The following BCAR1 variants were observed in gnomAD, a reference collection of about 807,000 sequenced individuals.
BCAR1 encodes the protein BCAR1 scaffold protein, Cas family member.
In BCAR1, 30 loss-of-function variants were observed where a neutral mutation model predicts 67.6. The observed-to-expected ratio is 0.44, with a 90% CI of 0.33 to 0.60. The LOEUF (loss-of-function observed/expected upper bound fraction) is 0.60, where lower values mean the gene tolerates loss of function less well. Ranked by LOEUF, BCAR1 falls within the 20% of genes least tolerant of loss-of-function variation. The pLI, the probability that BCAR1 is intolerant of heterozygous loss-of-function variation, is 0.02. For synonymous variants in BCAR1, 626 were observed against 556.7 expected (o/e 1.12, Z -1.75); for missense variants, 1,313 against 1,222.3 (o/e 1.07, Z -1.11).
At chr16:75,267,109 A>T (rs1174137611) in intron 1 of BCAR1, among the ~76,000 whole-genome samples, 1 of 152,066 alleles carries the variant, frequency 6.6e-6, no homozygotes, top group African/African-American at 2.4e-5. Context: ...CTTTTTCCCC[A>T]AGGGGCGTGC....
At chr16:75,262,131 C>G (rs1163714261) in intron 1 of BCAR1, among the ~76,000 whole-genome samples, 1 of 152,188 alleles carries the variant, frequency 6.6e-6, no homozygotes, top group East Asian at 1.9e-4. Flanking sequence ...ACTCTCCCCA[C>G]CCCGCAGCAG....
chr16:75,248,438 C>T (rs2077585124), intron 1 of BCAR1: 1 of 992,878 alleles, frequency 1.0e-6, no homozygotes, highest in South Asian at 2.2e-5. Context: ...GCCCAATAAG[C>T]ATGCGCCCAA....
At chr16:75,248,545 A>C in intron 1 of BCAR1, 3 of 194,528 alleles carry the variant, frequency 1.5e-5, no homozygotes, top group Non-Finnish European at 3.1e-5. Flanking sequence ...TCCCTCCCCC[A>C]TGTCCCCATC....
Position 75,235,776 on chromosome 16 carries a change from G to T in BCAR1, c.1123C>A (p.Pro375Thr). The T allele has an allele frequency of 1.3e-6, 2 of 1,592,738 alleles. No individual in the cohort carries two copies. The highest frequency in any genetic ancestry group is 1.3e-5 in the African/African-American group (1 of 74,736). The change falls in exon 5 of 7, where the codon CCC (proline) becomes ACC (threonine). Residue 375 changes from proline (P) to threonine (T), a missense_variant. By Grantham distance (38) the Pro-to-Thr change is conservative. This residue lies in a region of BCAR1 where 1,272 missense variants were observed against 1,137.5 expected (regional missense o/e 1.12). Transcript: ENST00000162330. Reference protein sequence around the residue: ...PPPAPDLYDVPPGLRRPGPGT... With the variant: ...PPPAPDLYDVTPGLRRPGPGT... Reference sequence around the variant, plus strand: ...GGGCCAGGCCGCCGCAAGCCAGGGGGCACGTCGTAGAGGTCAGGAGCCGGG... The same window carrying T: ...GGGCCAGGCCGCCGCAAGCCAGGGGTCACGTCGTAGAGGTCAGGAGCCGGG...
At chr16:75,258,821 C>T (rs765818191) in intron 1 of BCAR1, among the ~76,000 whole-genome samples, 13 of 152,218 alleles carry the variant, frequency 8.5e-5, no homozygotes, top group Non-Finnish European at 1.5e-4. Context: ...CCTCCTCAGG[C>T]TTGGCTCAGT....
At chr16:75,237,787 C>T (rs1403291708) in intron 2 of BCAR1, among the ~76,000 whole-genome samples, 2 of 152,196 alleles carry the variant, frequency 1.3e-5, no homozygotes, top group African/African-American at 4.8e-5. Context: ...GCTGCCCACA[C>T]CACCTAGCTG....
chr16:75,243,413 C>A, intron 1 of BCAR1: 6 of 606,402 alleles, frequency 9.9e-6, no homozygotes, highest in South Asian at 8.9e-5. Flanking sequence ...GCTACCTGGA[C>A]CAACACAAGG....
At position 75,237,336 on chromosome 16, in the gene BCAR1, C is replaced by T. The variant is rs536067371; in HGVS notation, c.642G>A (p.Val214=). 1.4e-6 allele frequency: 2 copies of T among 1,464,284 alleles called. No individual in the cohort carries two copies. The highest frequency in any genetic ancestry group is 2.9e-5 in the African/African-American group (2 of 68,474). 90.7% of individuals were successfully genotyped at this position (1,464,284 alleles called of 1,614,324 possible). The change falls in exon 3 of 7, where the codon GTG becomes GTA. Residue 214 remains valine (V), a synonymous_variant. Coordinates refer to ENST00000162330, the MANE Select transcript of BCAR1 (RefSeq NM_014567.5). ...CATAGCCCTGCCCCACGCGGGTGGG[C>T]ACCACCACCTGGGGGCAGAGAGCCG... ...EGTKPPAKVV[V]PTRVGQGYVY...
At chr16:75,239,192 C>G (rs2077248505) in intron 2 of BCAR1, 2 of 849,686 alleles carry the variant, frequency 2.4e-6, no homozygotes, top group Admixed American at 1.2e-4. Context: ...AATCACAGGC[C>G]ACCCTGCTGC....
At chr16:75,245,923 T>G (rs888040713) in intron 1 of BCAR1, 2 of 148,670 alleles carry the variant, frequency 1.3e-5, no homozygotes, top group African/African-American at 4.9e-5. Context: ...AGCATCTAGA[T>G]CCTCTCTGCT....
At chr16:75,240,529 C>T (rs2077303023) in intron 2 of BCAR1, among the ~76,000 whole-genome samples, 1 of 152,246 alleles carries the variant, frequency 6.6e-6, no homozygotes, top group Non-Finnish European at 1.5e-5. Flanking sequence ...AAATGCAAAA[C>T]TGCATGTATA....
intron 1 of BCAR1, among the ~76,000 whole-genome samples, chr16:75,244,408 G>C (rs887305167): frequency 6.6e-6 from 1 of 152,252 alleles, no homozygotes; most frequent in East Asian, 1.9e-4. Context: ...GCAGAGGAGT[G>C]GGGGTGAGGC....
chr16:75,235,701 C>G lies in BCAR1; in HGVS notation c.1198G>C (p.Ala400Pro), dbSNP rs1001303645. Residue 400 changes from alanine (A) to proline (P), a missense_variant, in exon 5 of 7, where the codon GCT (alanine) becomes CCT (proline). By Grantham distance (27) the Ala-to-Pro change is conservative (BLOSUM62 -1). Transcript: ENST00000162330. Reference protein sequence around the residue: ...PRERVLPPEVADGGVVDSGVY... With the variant: ...PRERVLPPEVPDGGVVDSGVY... Reference sequence around the variant, plus strand: ...CCACTGTCGACCACGCCACCATCAGCCACCTCAGGAGGAAGCACCCGTTCA... The same window carrying G: ...CCACTGTCGACCACGCCACCATCAGGCACCTCAGGAGGAAGCACCCGTTCA... 1.2e-6 allele frequency: 2 copies of G among 1,611,100 alleles called. No individual in the cohort carries two copies. Among genetic ancestry groups the G allele is most frequent in the Non-Finnish European group, 1.7e-6 (2 of 1,178,756 alleles).
intron 1 of BCAR1, among the ~76,000 whole-genome samples, chr16:75,245,220 CG>C (rs930707675): frequency 1.3e-5 from 2 of 152,332 alleles, no homozygotes; most frequent in South Asian, 4.1e-4. Context: ...CACAGCCCAT[CG>C]GGGGCGGGCC....
intron 1 of BCAR1, chr16:75,243,376 C>T: frequency 1.6e-6 from 1 of 621,386 alleles, no homozygotes; most frequent in South Asian, 1.5e-5. Flanking sequence ...TCAAGATATC[C>T]CTAAAAGCCC....
intron 1 of BCAR1, chr16:75,263,461 T>C (rs984348189): frequency 2.0e-6 from 2 of 985,286 alleles, no homozygotes; most frequent in African/African-American, 1.7e-5. Context: ...GCTCTATGCC[T>C]GGAGCAGAGG....
In BCAR1 at chr16:75,263,161, A is replaced by C. The variant is rs938272136; in HGVS notation, c.66+4754T>G. ...AACGAAGGGGCACAGGAGGAGCTGGAGTGGCCACACTCACTTCACAGATGG... is the reference window on the plus strand; with the variant it reads ...AACGAAGGGGCACAGGAGGAGCTGGCGTGGCCACACTCACTTCACAGATGG... On this transcript the variant is annotated intron_variant, in intron 1 of 6. Coordinates refer to the BCAR1 transcript ENST00000393422. 13 of 959,834 alleles carry C rather than the reference A, an allele frequency of 1.4e-5. No individual in the cohort carries two copies. In the African/African-American group the frequency reaches 1.6e-4, roughly 12 times the overall value. The allele number at this position is 959,834 out of a possible 1,614,324, so 59.5% of individuals were successfully genotyped here.
At chr16:75,238,109 G>C in intron 2 of BCAR1, 1 of 1,288,856 alleles carries the variant, frequency 7.8e-7, no homozygotes, top group Non-Finnish European at 1.0e-6. Context: ...AGAGCCCAGG[G>C]AAGCCAAGGC....
rs373621776 is a variant in BCAR1 at position 75,235,278 on chromosome 16, G to C, written c.1621C>G (p.Leu541Val). Residue 541 changes from leucine to valine, a missense_variant, in exon 5 of 7, where the codon CTT becomes GTT. Coordinates refer to ENST00000162330, the MANE Select transcript of BCAR1 (RefSeq NM_014567.5). ...TCCATCTTCTGCAGCTGCCGGCTAA[G>C]CTTGGCATGCAGGGCACGGTCAGAT... ...HTSDRALHAK[L>V]SRQLQKMEDV... 2.5e-6 allele frequency: 4 copies of C among 1,606,108 alleles called. No homozygotes were observed. The highest frequency in any genetic ancestry group is 3.4e-6 in the Non-Finnish European group (4 of 1,174,730).
Sources: gnomAD v4.1 joint callset for allele counts (sites outside exome capture counted in the v4.1 genomes callset) on GRCh38, gnomAD v4.1.1 for gene constraint, gnomAD v4.1.1 regional missense constraint, MANE v1.5 for transcripts, NCBI Gene and HGNC (gene_info 2026-07-23, HGNC 2026-07-21) for gene names.